Variants in PDE4D observed in about 807,000 individuals in gnomAD.
The protein encoded by PDE4D is phosphodiesterase 4D.
A neutral mutation model predicts 87.4 loss-of-function variants in PDE4D; 24 were observed. The ratio of observed to expected loss-of-function variants is 0.27; its 90% CI spans 0.20 to 0.39. The LOEUF (loss-of-function observed/expected upper bound fraction) is 0.39, where lower values mean the gene tolerates loss of function less well. Ranked by LOEUF, PDE4D falls within the 10% of genes least tolerant of loss-of-function variation. The pLI, the probability that PDE4D is intolerant of heterozygous loss-of-function variation, is 1.00. For synonymous variants in PDE4D, 384 were observed against 383.2 expected (o/e 1.00, Z -0.02); for missense variants, 714 against 1,041.0 (o/e 0.69, Z 4.32).
At chr5:60,095,097 C>T (rs1261776082) in intron 2 of PDE4D, among the ~76,000 whole-genome samples, 1 of 152,058 alleles carries the variant, frequency 6.6e-6, no homozygotes, top group Non-Finnish European at 1.5e-5. Context: ...ATGTGCAGAA[C>T]GTGCAGGTTT....
intron 1 of PDE4D, among the ~76,000 whole-genome samples, chr5:59,432,263 T>TTATTAA (rs201228584): frequency 7.8e-6 from 1 of 128,264 alleles, no homozygotes; most frequent in Non-Finnish European, 1.6e-5. Flanking sequence ...GTATAATCCT[T>TTATTAA]TATTAATATT....
At chr5:59,535,914 T>C (rs1438756726) in intron 1 of PDE4D, among the ~76,000 whole-genome samples, 2 of 152,138 alleles carry the variant, frequency 1.3e-5, no homozygotes, top group East Asian at 3.9e-4. Context: ...ATACTTGACA[T>C]TCAATAAAAA....
chr5:60,281,147 T>C (rs1248421026), intron 1 of PDE4D, among the ~76,000 whole-genome samples: 1 of 152,098 alleles, frequency 6.6e-6, no homozygotes, highest in Non-Finnish European at 1.5e-5. Flanking sequence ...AGTAGCAGAC[T>C]TCGCTGTTAG....
intron 2 of PDE4D, among the ~76,000 whole-genome samples, chr5:60,072,021 C>G (rs1772774887): frequency 6.6e-6 from 1 of 152,000 alleles, no homozygotes; most frequent in South Asian, 2.1e-4. Flanking sequence ...TTTCTATTCC[C>G]TTGCGTATAC....
At chr5:59,004,211 TATAA>T (rs977101662) in intron 6 of PDE4D, among the ~76,000 whole-genome samples, 2 of 151,982 alleles carry the variant, frequency 1.3e-5, no homozygotes, top group African/African-American at 4.8e-5. Context: ...TACTACAAAA[TATAA>T]ATACTTGTAC....
intron 1 of PDE4D, among the ~76,000 whole-genome samples, chr5:59,619,801 C>A (rs1830129533): frequency 6.6e-6 from 1 of 151,466 alleles, no homozygotes; most frequent in Non-Finnish European, 1.5e-5. Context: ...CTGGATTTAG[C>A]ACTAAAAATG....
At chr5:59,252,179 A>G (rs1347199455) in intron 1 of PDE4D, among the ~76,000 whole-genome samples, 1 of 152,172 alleles carries the variant, frequency 6.6e-6, no homozygotes, top group African/African-American at 2.4e-5. Flanking sequence ...TAAAATAAAA[A>G]TTAAAAAAAG....
chr5:59,838,005 A>T (rs1419165020), intron 1 of PDE4D, among the ~76,000 whole-genome samples: 2 of 152,100 alleles, frequency 1.3e-5, no homozygotes, highest in Non-Finnish European at 2.9e-5. Flanking sequence ...GTTGACCATT[A>T]AAGATAGTTG....
At chr5:59,497,329 T>C (rs796133967) in intron 1 of PDE4D, among the ~76,000 whole-genome samples, 40 of 152,196 alleles carry the variant, frequency 2.6e-4, no homozygotes, top group African/African-American at 9.6e-4. Flanking sequence ...TCCCAAGCAA[T>C]GAACCCTAAC....
chr5:59,605,204 T>A (rs1828024625), intron 1 of PDE4D, among the ~76,000 whole-genome samples: 2 of 152,144 alleles, frequency 1.3e-5, no homozygotes, highest in African/African-American at 4.8e-5. Flanking sequence ...ATAAAATTTG[T>A]AACTGACTTG....
chr5:59,462,806 TC>T (rs1800973520), intron 1 of PDE4D, among the ~76,000 whole-genome samples: 1 of 152,074 alleles, frequency 6.6e-6, no homozygotes, highest in Non-Finnish European at 1.5e-5. Context: ...TTTCTGACAT[TC>T]CATTACTGAC....
intron 3 of PDE4D, among the ~76,000 whole-genome samples, chr5:59,932,830 T>C (rs945429895): frequency 1.3e-5 from 2 of 152,194 alleles, no homozygotes; most frequent in Admixed American, 1.3e-4. Context: ...TCAACAAAAT[T>C]GGGAAATCTA....
Position 60,410,121 on chromosome 5 carries a change from G to T in PDE4D, c.-90+77821C>A, listed in dbSNP as rs1741920153. On this transcript the variant is annotated intron_variant, in intron 1 of 16. Transcript: ENST00000502484. ...TCCCTATGGCAACCTTTGAGGTAGG[G>T]CTGGGAGTCCAGGTGTTTAAGGGGG... Among the ~76,000 whole-genome samples the T allele has an allele frequency of 3.9e-5, 6 of 152,298 alleles. No individual in the cohort carries two copies. The South Asian group carries it at 1.2e-3, about 32-fold the overall frequency.
chr5:59,539,663 T>G (rs1815946811), intron 1 of PDE4D, among the ~76,000 whole-genome samples: 1 of 152,204 alleles, frequency 6.6e-6, no homozygotes, highest in Admixed American at 6.6e-5. Flanking sequence ...TATAACTTTC[T>G]GCTAGAATAA....
chr5:59,438,791 C>T (rs1366650669), intron 1 of PDE4D, among the ~76,000 whole-genome samples: 1 of 147,992 alleles, frequency 6.8e-6, no homozygotes, highest in African/African-American at 2.6e-5. Context: ...ATCAATGATC[C>T]AAGGAAAAAA....
chr5:59,400,614 G>A (rs1460884226), intron 1 of PDE4D, among the ~76,000 whole-genome samples: 2 of 149,676 alleles, frequency 1.3e-5, no homozygotes, highest in African/African-American at 4.9e-5. Flanking sequence ...GGATAGCATT[G>A]GGAGATATAC....
At chr5:59,639,409 G>A (rs1348921582) in intron 1 of PDE4D, among the ~76,000 whole-genome samples, 1 of 151,942 alleles carries the variant, frequency 6.6e-6, no homozygotes, top group Non-Finnish European at 1.5e-5. Flanking sequence ...GGTTGGGGGA[G>A]AGAAAAGACT....
intron 3 of PDE4D, among the ~76,000 whole-genome samples, chr5:59,191,390 A>G (rs1157385666): frequency 6.6e-6 from 1 of 151,776 alleles, no homozygotes. Flanking sequence ...TTAAATATTT[A>G]TATATATTTT....
chr5:59,990,685 C>A (rs892932772), intron 2 of PDE4D, among the ~76,000 whole-genome samples: 1 of 152,108 alleles, frequency 6.6e-6, no homozygotes, highest in African/African-American at 2.4e-5. Flanking sequence ...TTAAGTAGTG[C>A]CGTGTTTTAC....
Sources: gnomAD v4.1 joint callset for allele counts (sites outside exome capture counted in the v4.1 genomes callset) on GRCh38, gnomAD v4.1.1 for gene constraint, MANE v1.5 for transcripts, NCBI Gene and HGNC (gene_info 2026-07-23, HGNC 2026-07-21) for gene names.